The following EIF4G3 variants were observed in gnomAD, a reference collection of about 807,000 sequenced individuals.
The protein encoded by EIF4G3 is eIF-4-gamma 3.
In EIF4G3, 34 loss-of-function variants were observed where a neutral mutation model predicts 186.4. That is an observed-to-expected ratio of 0.18 (90% CI 0.14 to 0.24). The LOEUF (loss-of-function observed/expected upper bound fraction) is 0.24. Ranked by LOEUF, EIF4G3 falls within the 10% of genes least tolerant of loss-of-function variation. The probability of loss-of-function intolerance (pLI) is 1.00; values close to 1 mark genes in which losing one functional copy is unlikely to be tolerated. For synonymous variants in EIF4G3, 673 were observed against 679.5 expected (o/e 0.99, Z 0.15); for missense variants, 1,536 against 1,948.5 (o/e 0.79, Z 3.99).
intron 2 of EIF4G3, among the ~76,000 whole-genome samples, chr1:21,133,859 A>G (rs544137841): frequency 6.6e-5 from 10 of 152,306 alleles, no homozygotes; most frequent in Admixed American, 1.3e-4. Flanking sequence ...TAATAATCTA[A>G]GTATTGTCAT....
At chr1:20,897,759 T>TC (rs1220745068) in intron 16 of EIF4G3, among the ~76,000 whole-genome samples, 10 of 152,082 alleles carry the variant, frequency 6.6e-5, no homozygotes, top group Non-Finnish European at 1.5e-4. Context: ...ACTGTTTTTT[T>TC]TCCAATGACT....
chr1:20,877,736 G>C lies in EIF4G3; in HGVS notation c.2622+1587C>G, dbSNP rs117156641. On this transcript the variant is annotated intron_variant, in intron 20 of 36. Coordinates refer to ENST00000602326, the MANE Select transcript of EIF4G3 (RefSeq NM_001391906.1). ...ATCCTTATAATATTACAAGTGGTATGAATTAATCTCATTTTATGGATTAAA... is the reference window on the plus strand; with the variant it reads ...ATCCTTATAATATTACAAGTGGTATCAATTAATCTCATTTTATGGATTAAA... Among the ~76,000 whole-genome samples, 102 of 152,292 alleles carry C rather than the reference G, an allele frequency of 6.7e-4. 1 individual carries two copies. In the East Asian group the frequency reaches 0.019, roughly 28 times the overall value.
chr1:20,877,880 G>C (rs1009814217), intron 20 of EIF4G3, among the ~76,000 whole-genome samples: 1 of 152,132 alleles, frequency 6.6e-6, no homozygotes, highest in Non-Finnish European at 1.5e-5. Context: ...TCTCACTCTT[G>C]TCGCCCAGGC....
intron 29 of EIF4G3, among the ~76,000 whole-genome samples, chr1:20,842,878 T>G (rs1326617772): frequency 4.6e-5 from 7 of 150,886 alleles, no homozygotes; most frequent in Admixed American, 6.6e-5. Flanking sequence ...AAGGTCTCAC[T>G]TAGTTACCCA....
intron 4 of EIF4G3, among the ~76,000 whole-genome samples, chr1:21,042,646 A>G (rs2093650302): frequency 6.6e-6 from 1 of 152,130 alleles, no homozygotes; most frequent in African/African-American, 2.4e-5. Context: ...ATAAATCTGA[A>G]AAGACATATA....
intron 14 of EIF4G3, among the ~76,000 whole-genome samples, chr1:20,935,976 A>G (rs1229385031): frequency 6.6e-6 from 1 of 152,228 alleles, no homozygotes; most frequent in East Asian, 1.9e-4. Flanking sequence ...CTACTCAGAA[A>G]GATGTAGAAC....
At chr1:20,864,209 G>GT (rs2077064302) in intron 22 of EIF4G3, among the ~76,000 whole-genome samples, 1 of 152,216 alleles carries the variant, frequency 6.6e-6, no homozygotes, top group African/African-American at 2.4e-5. Flanking sequence ...TTGGGAAATG[G>GT]TTACAGAAGA....
intron 35 of EIF4G3, among the ~76,000 whole-genome samples, chr1:20,811,822 T>C (rs1174446277): frequency 1.3e-5 from 2 of 151,994 alleles, no homozygotes; most frequent in African/African-American, 2.4e-5. Context: ...AAATGAAACA[T>C]GGAGTAGGAA....
chr1:20,893,419 G>C lies in EIF4G3; in HGVS notation c.2253+98C>G. 5 of 1,269,764 alleles carry C rather than the reference G, an allele frequency of 3.9e-6. No individual in the cohort carries two copies. The South Asian group carries it at 9.4e-5, about 24-fold the overall frequency. 78.7% of individuals were successfully genotyped at this position (1,269,764 alleles called of 1,614,324 possible). On this transcript the variant is annotated intron_variant, in intron 18 of 36. Coordinates refer to ENST00000602326, the MANE Select transcript of EIF4G3 (RefSeq NM_001391906.1). Reference sequence around the variant, plus strand: ...TGCCTCTTCTTCTTCTTCTTGACTAGAATCAACGAATAAAAGCTGCTGTCT... The same window carrying C: ...TGCCTCTTCTTCTTCTTCTTGACTACAATCAACGAATAAAAGCTGCTGTCT...
At chr1:20,835,162 A>T (rs1299435155) in intron 30 of EIF4G3, among the ~76,000 whole-genome samples, 1 of 152,214 alleles carries the variant, frequency 6.6e-6, no homozygotes, top group African/African-American at 2.4e-5. Context: ...AGGAATTTTT[A>T]AAAAATATCT....
intron 2 of EIF4G3, among the ~76,000 whole-genome samples, chr1:21,129,745 A>T (rs1357971671): frequency 2.0e-5 from 3 of 152,090 alleles, no homozygotes; most frequent in Non-Finnish European, 2.9e-5. Context: ...CCAGTGAGGA[A>T]GAATATGGAA....
chr1:20,958,318 C>T (rs193195087), intron 12 of EIF4G3, among the ~76,000 whole-genome samples: 3 of 152,206 alleles, frequency 2.0e-5, no homozygotes, highest in East Asian at 1.9e-4. Context: ...TCTCAATAGA[C>T]GCTGAAAAAG....
intron 2 of EIF4G3, among the ~76,000 whole-genome samples, chr1:21,147,815 G>GA (rs1230253439): frequency 6.6e-6 from 1 of 152,044 alleles, no homozygotes; most frequent in Non-Finnish European, 1.5e-5. Context: ...AACAAAAATT[G>GA]AAAGACTGCA....
chr1:20,937,286 T>C (rs568270270), intron 14 of EIF4G3, among the ~76,000 whole-genome samples: 1 of 152,350 alleles, frequency 6.6e-6, no homozygotes, highest in South Asian at 2.1e-4. Flanking sequence ...TGAAAATTAG[T>C]ATCCAAGCCA....
In EIF4G3 at chr1:20,825,089, C is replaced by G; in HGVS notation, c.4368+11G>C. On this transcript the variant is annotated intron_variant, in intron 33 of 36. Transcript: ENST00000602326. ...TACTATCAAACAGCAAAACATAAGC[C>G]TTGTTCTTACCTGCTCCAAAAGAAA... The G allele has an allele frequency of 6.3e-7, 1 of 1,581,982 alleles. No homozygotes were observed. Among genetic ancestry groups the G allele is most frequent in the Middle Eastern group, 1.7e-4 (1 of 5,968 alleles).
intron 3 of EIF4G3, among the ~76,000 whole-genome samples, chr1:21,057,689 C>A (rs1200018811): frequency 6.6e-6 from 1 of 151,930 alleles, no homozygotes; most frequent in Non-Finnish European, 1.5e-5. Context: ...TTCCACACCA[C>A]CTACCTCAAA....
At chr1:21,135,238 G>A (rs1212937828) in intron 2 of EIF4G3, among the ~76,000 whole-genome samples, 5 of 152,198 alleles carry the variant, frequency 3.3e-5, no homozygotes, top group African/African-American at 7.2e-5. Flanking sequence ...GGTGGCTCAC[G>A]CCTGTAATCC....
At chr1:21,136,431 T>G (rs2097248008) in intron 2 of EIF4G3, among the ~76,000 whole-genome samples, 1 of 150,960 alleles carries the variant, frequency 6.6e-6, no homozygotes, top group Non-Finnish European at 1.5e-5. Context: ...GCAGGAGAAT[T>G]GCTTTAACCT....
At chr1:20,946,088 T>C (rs2095935989) in intron 13 of EIF4G3, among the ~76,000 whole-genome samples, 1 of 152,204 alleles carries the variant, frequency 6.6e-6, no homozygotes, top group South Asian at 2.1e-4. Context: ...ACTGAGAAGA[T>C]GCTATTGTCA....
Sources: allele counts gnomAD v4.1 joint callset (sites outside exome capture counted in the v4.1 genomes callset), GRCh38; gene constraint gnomAD v4.1.1; transcripts MANE v1.5; gene names NCBI Gene and HGNC (gene_info 2026-07-23, HGNC 2026-07-21).